NIN: variants seen among roughly 807,000 people sequenced by gnomAD.
NIN encodes glycogen synthase kinase 3 beta-interacting protein.
Under a neutral mutation model 257.6 loss-of-function variants are expected in NIN, and 137 were observed. That is an observed-to-expected ratio of 0.53 (90% CI 0.46 to 0.61). The LOEUF is 0.61. Among genes scored for constraint, NIN ranks in the 20% least tolerant of loss-of-function variants. The pLI is 0.00. For synonymous variants in NIN, 918 were observed against 919.8 expected (o/e 1.00, Z 0.04); for missense variants, 2,439 against 2,501.2 (o/e 0.98, Z 0.53).
chr14:50,828,480 T>G (rs2045562712), intron 2 of NIN, among the ~76,000 whole-genome samples: 2 of 152,240 alleles, frequency 1.3e-5, no homozygotes, highest in Non-Finnish European at 2.9e-5. Context: ...AGTCTCTCCA[T>G]AAGCCCCTGC....
In NIN at chr14:50,756,904, T is replaced by C; in HGVS notation, c.4126A>G (p.Arg1376Gly). ...LNQTLEECVP[R>G]VRSVHHVIEE... The stretch of plus-strand genomic sequence containing the variant: ...ATGACATGATGTACACTCCTAACCC[T>C]GGGCACACACTCTTCCAGTGTCTGA... Residue 1376 changes from arginine to glycine, a missense_variant, in exon 18 of 31, where the codon AGG (arginine) becomes GGG (glycine). This residue lies in a region of NIN where 2,043 missense variants were observed against 2,050.2 expected (regional missense o/e 1.00). Coordinates refer to ENST00000530997, the MANE Select transcript of NIN (RefSeq NM_020921.4). The C allele has an allele frequency of 6.4e-7, 1 of 1,559,104 alleles. No homozygotes were observed. The highest frequency in any genetic ancestry group is 1.2e-5 in the South Asian group (1 of 85,596).
rs893708578 is a variant in NIN at position 50,721,790 on chromosome 14, C to T, written c.*1673G>A. ...CTTCATCAGTGTGAACTCCCAGTCCCACAAAAAACAGTGCCTTGTCAAGGC... is the reference window on the plus strand; with the variant it reads ...CTTCATCAGTGTGAACTCCCAGTCCTACAAAAAACAGTGCCTTGTCAAGGC... On this transcript the variant is annotated 3_prime_UTR_variant, in exon 31 of 31. Transcript: ENST00000530997. The T allele has an allele frequency of 4.5e-6, 1 of 223,604 alleles. No homozygotes were observed. Among genetic ancestry groups the T allele is most frequent in the East Asian group, 6.4e-5 (1 of 15,562 alleles). The allele number at this position is 223,604 out of a possible 1,614,324, so 13.9% of individuals were successfully genotyped here. A position where few individuals can be genotyped will look rare whatever the true frequency, so the allele number is the denominator to read the frequency against.
chr14:50,772,454 A>G lies in NIN; in HGVS notation c.828T>C (p.Ser276=), dbSNP rs759120930. The G allele has an allele frequency of 6.2e-7, 1 of 1,614,026 alleles. No individual in the cohort carries two copies. Among genetic ancestry groups the G allele is most frequent in the Non-Finnish European group, 8.5e-7 (1 of 1,179,972 alleles). Reference sequence around the variant, plus strand: ...CTGATGAGGTTGTGGTACGTCGTCCACTCTCATCGAAAGACTGGAAGGAGG... The same window carrying G: ...CTGATGAGGTTGTGGTACGTCGTCCGCTCTCATCGAAAGACTGGAAGGAGG... ...RHLSMQSFDE[S]GRRTTTSSAM... is the part of the protein sequence containing the mutation. The change falls in exon 9 of 31, where the codon AGT becomes AGC. Residue 276 remains serine (S), a synonymous_variant. Transcript: ENST00000530997.
At chr14:50,782,173 TG>T (rs1387010560) in intron 5 of NIN, among the ~76,000 whole-genome samples, 1 of 152,180 alleles carries the variant, frequency 6.6e-6, no homozygotes, top group African/African-American at 2.4e-5. Flanking sequence ...CCCGTTTATA[TG>T]TTATGGGTAG....
intron 29 of NIN, among the ~76,000 whole-genome samples, chr14:50,727,925 G>A (rs951186500): frequency 5.3e-5 from 8 of 152,190 alleles, no homozygotes; most frequent in Non-Finnish European, 7.3e-5. Context: ...TCCACACACA[G>A]AAACGTGCAG....
At position 50,777,081 on chromosome 14, in the gene NIN, A is replaced by AG; in HGVS notation, c.533dup (p.Pro179SerfsTer14). 6.2e-7 allele frequency: 1 copy of AG among 1,613,878 alleles called. No homozygotes were observed. Among genetic ancestry groups the AG allele is most frequent in the Non-Finnish European group, 8.5e-7 (1 of 1,179,928 alleles). Reference sequence around the variant, plus strand: ...GTTTCTCTTCTATCCAGTCTTGGGGAGGGGAAGATCCACTCTGTGAAGCAT... The same window carrying AG: ...GTTTCTCTTCTATCCAGTCTTGGGGAGGGGGAAGATCCACTCTGTGAAGCAT... On this transcript the variant is annotated frameshift_variant, in exon 7 of 31. Coordinates refer to ENST00000530997, the MANE Select transcript of NIN (RefSeq NM_020921.4). LOFTEE classifies it high-confidence loss of function.
At chr14:50,766,701 G>T in intron 13 of NIN, 79 bp downstream of exon 13, 2 of 945,520 alleles carry the variant, frequency 2.1e-6, no homozygotes, top group Non-Finnish European at 3.4e-6. Context: ...AAAATGTTCT[G>T]GTGGCATTGC....
At chr14:50,770,742 C>T in intron 11 of NIN, 110 bp downstream of exon 11, 1 of 1,407,924 alleles carries the variant, frequency 7.1e-7, no homozygotes, top group Non-Finnish European at 9.5e-7. Flanking sequence ...GTGTGGCCAA[C>T]AGGCTGACCA....
At chr14:50,813,510 G>T (rs1326633809) in intron 3 of NIN, among the ~76,000 whole-genome samples, 1 of 152,208 alleles carries the variant, frequency 6.6e-6, no homozygotes, top group East Asian at 1.9e-4. Context: ...CCTCTTAGGA[G>T]AAATTTACCT....
rs760260792 is a variant in NIN, at chr14:50,741,593, C to G, written c.5437G>C (p.Ala1813Pro). Residue 1813 changes from alanine to proline, a missense_variant, in exon 25 of 31, where the codon GCT becomes CCT. Ala to Pro is a conservative substitution (Grantham distance 27). Coordinates refer to ENST00000530997, the MANE Select transcript of NIN (RefSeq NM_020921.4). ...AAAGAACAAATCACCTTGCCACCAG[C>G]ATTCTGAAGTTGCTTATGTAAAGAC... is the stretch of plus-strand genomic sequence containing the variant. ...VMSLHKQLQN[A>P]GGKSWAPEIA... 5 of 1,613,628 alleles carry G rather than the reference C, an allele frequency of 3.1e-6. No individual in the cohort carries two copies. Among genetic ancestry groups the G allele is most frequent in the African/African-American group, 1.3e-5 (1 of 75,036 alleles).
At chr14:50,827,400 A>G (rs1180301573) in intron 2 of NIN, among the ~76,000 whole-genome samples, 1 of 152,224 alleles carries the variant, frequency 6.6e-6, no homozygotes, top group Non-Finnish European at 1.5e-5. Flanking sequence ...AAATCATGAT[A>G]CAAAAATATA....
intron 4 of NIN, among the ~76,000 whole-genome samples, chr14:50,798,493 T>C (rs1016578397): frequency 1.3e-5 from 2 of 152,222 alleles, no homozygotes; most frequent in African/African-American, 4.8e-5. Flanking sequence ...TAAGTCCTAA[T>C]GCAATTGAAG....
chr14:50,746,034 TAAA>T (rs35691375), intron 22 of NIN, among the ~76,000 whole-genome samples: 34 of 135,392 alleles, frequency 2.5e-4, no homozygotes, highest in Admixed American at 4.5e-4. Context: ...AATGCTTGTT[TAAA>T]AAAAAAAAAA....
At chr14:50,781,627 C>CT (rs1488833780) in intron 5 of NIN, among the ~76,000 whole-genome samples, 1 of 152,180 alleles carries the variant, frequency 6.6e-6, no homozygotes, top group African/African-American at 2.4e-5. Context: ...ACTGCATAGA[C>CT]TTAGGAGGCA....
intron 5 of NIN, 196 bp downstream of exon 5, chr14:50,792,516 G>A: frequency 1.7e-6 from 1 of 603,322 alleles, no homozygotes; most frequent in Non-Finnish European, 2.9e-6. Context: ...TCCAAAAGCT[G>A]AAACGAGGTA....
chr14:50,766,356 TGCAGG>T lies in NIN; in HGVS notation c.1581_1585del (p.Phe527LeufsTer11). The T allele has an allele frequency of 6.2e-7, 1 of 1,614,168 alleles. No homozygotes were observed. The highest frequency in any genetic ancestry group is 8.5e-7 in the Non-Finnish European group (1 of 1,180,008). On this transcript the variant is annotated frameshift_variant, in exon 14 of 31. Transcript: ENST00000530997. LOFTEE classifies it high-confidence loss of function. Reference sequence around the variant, plus strand: ...TCTCATCTGTGTCAGTCTCTCTTCTTGCAGGAAGAACTCAGCACTGCTAGGATCGA... The same window carrying T: ...TCTCATCTGTGTCAGTCTCTCTTCTTAAGAACTCAGCACTGCTAGGATCGA...
At chr14:50,755,666 T>C (rs1165322259) in intron 18 of NIN, among the ~76,000 whole-genome samples, 2 of 72,738 alleles carry the variant, frequency 2.7e-5, no homozygotes, top group Non-Finnish European at 5.8e-5. Context: ...TTTTTTTTTT[T>C]TTTTTTTTTT....
intron 5 of NIN, among the ~76,000 whole-genome samples, chr14:50,787,308 A>G (rs1595870126): frequency 6.6e-6 from 1 of 152,242 alleles, no homozygotes; most frequent in Non-Finnish European, 1.5e-5. Flanking sequence ...CTTTTCTACC[A>G]GGCCTGAGTA....
chr14:50,823,412 G>A (rs2045325555), intron 2 of NIN: 1 of 437,214 alleles, frequency 2.3e-6, no homozygotes, highest in Non-Finnish European at 4.6e-6. Context: ...CTAACTTAGA[G>A]GTGATCGTCC....
Sources: gnomAD v4.1 joint callset for allele counts (sites outside exome capture counted in the v4.1 genomes callset) on GRCh38, gnomAD v4.1.1 for gene constraint, gnomAD v4.1.1 regional missense constraint, MANE v1.5 for transcripts, NCBI Gene and HGNC (gene_info 2026-07-23, HGNC 2026-07-21) for gene names.